SDR42E2: variants seen among roughly 807,000 people sequenced by gnomAD.
SDR42E2 encodes the protein putative short-chain dehydrogenase/reductase family 42E member 2.
Under a neutral mutation model 10.5 loss-of-function variants are expected in SDR42E2, and 20 were observed. The observed-to-expected ratio is 1.90, with a 90% CI of 1.34 to 2.77. The LOEUF (loss-of-function observed/expected upper bound fraction) is 2.77, where lower values mean the gene tolerates loss of function less well. Ranked by LOEUF, SDR42E2 falls within the 30% of genes most tolerant of loss-of-function variation. SDR42E2 has a pLI of 0.00. For synonymous variants in SDR42E2, 72 were observed against 39.2 expected, an observed-to-expected ratio of 1.84 and a Z score of -3.12; for missense variants, 162 against 104.2, an observed-to-expected ratio of 1.55 and a Z score of -2.42.
chr16:22,163,431 C>T (rs2046511874), intron 1 of SDR42E2, among the ~76,000 whole-genome samples: 1 of 152,176 alleles, frequency 6.6e-6, no homozygotes, highest in Admixed American at 6.5e-5. Flanking sequence ...GTGGGCTGGG[C>T]GCAGTGGCTC....
At position 22,166,289 on chromosome 16, in the gene SDR42E2, C is replaced by T; in HGVS notation, c.95C>T (p.Ala32Val). Residue 32 changes from alanine (A) to valine (V), a missense_variant, in exon 3 of 13, where the codon GCC becomes GTC. Ala to Val is a moderately conservative substitution (Grantham distance 64). Coordinates refer to ENST00000602312, the MANE Select transcript of SDR42E2 (RefSeq NM_001394319.2). ...ACTCAAGCCAAACCTACAAAGGCTG[C>T]CAGGCAGAAGGTTCTAGTGACTGGA... Reference protein sequence around the residue: ...QKTQAKPTKAARQKVLVTGGG... With the variant: ...QKTQAKPTKAVRQKVLVTGGG... 2 of 402,270 alleles carry T rather than the reference C, an allele frequency of 5.0e-6. No homozygotes were observed. Among genetic ancestry groups the T allele is most frequent in the East Asian group, 7.1e-5 (2 of 28,076 alleles). 24.9% of individuals were successfully genotyped at this position (402,270 alleles called of 1,614,324 possible). A position where few individuals can be genotyped will look rare whatever the true frequency, so the allele number is the denominator to read the frequency against.
Position 22,170,896 on chromosome 16 carries a change from G to A in SDR42E2, c.458G>A (p.Gly153Glu), listed in dbSNP as rs2046593987. ...YTSTVNVAFG[G>E]KPIEQGDEDS... The stretch of plus-strand genomic sequence containing the variant: ...AGCACTGTCAATGTTGCATTTGGAG[G>A]GAAGCCCATAGAGCAGGGCGATGAG... Residue 153 changes from glycine to glutamate, a missense_variant, in exon 6 of 13, where the codon GGG (glycine) becomes GAG (glutamate). Coordinates refer to ENST00000602312, the MANE Select transcript of SDR42E2 (RefSeq NM_001394319.2). The A allele has an allele frequency of 1.4e-6, 1 of 703,022 alleles. No individual in the cohort carries two copies. Among genetic ancestry groups the A allele is most frequent in the Non-Finnish European group, 2.6e-6 (1 of 385,008 alleles). 43.5% of individuals were successfully genotyped at this position (703,022 alleles called of 1,614,324 possible).
At chr16:22,186,220 T>C (rs1270779753) in intron 11 of SDR42E2, among the ~76,000 whole-genome samples, 3 of 152,076 alleles carry the variant, frequency 2.0e-5, no homozygotes, top group African/African-American at 7.2e-5. Flanking sequence ...ATTTTTTTTT[T>C]TTTTCTGACG....
rs2046775554 is a variant in SDR42E2 at position 22,191,646 on chromosome 16, A to T, written c.*1253A>T. ...TCCTGTCTGAGGATGACAGCATAGT[A>T]AGCACAGGTTTTAGTACCAGAAAGA... On this transcript the variant is annotated 3_prime_UTR_variant, in exon 13 of 13. Transcript: ENST00000602312. 6.6e-6 allele frequency: 1 copy of T among 152,096 alleles called. No homozygotes were observed. Among genetic ancestry groups the T allele is most frequent in the Admixed American group, 6.5e-5 (1 of 15,268 alleles). The allele number at this position is 152,096 out of a possible 1,614,324, so 9.4% of individuals were successfully genotyped here. A position where few individuals can be genotyped will look rare whatever the true frequency, so the allele number is the denominator to read the frequency against.
At chr16:22,190,037 G>C in intron 12 of SDR42E2, 102 bp from the exon 13 acceptor site, 1 of 399,954 alleles carries the variant, frequency 2.5e-6, no homozygotes, top group East Asian at 3.6e-5. Flanking sequence ...ATGTAATGGA[G>C]GGGAAATCCC....
rs530075017 is a variant in SDR42E2 at position 22,190,911 on chromosome 16, A to G, written c.*518A>G. ...GGGCACGCCTCTTCCCCGCCCCCTG[A>G]CTTCAGAGCCTAGTCCTGAGCCGCT... On this transcript the variant is annotated 3_prime_UTR_variant, in exon 13 of 13. Coordinates refer to ENST00000602312, the MANE Select transcript of SDR42E2 (RefSeq NM_001394319.2). 484 of 125,856 alleles carry G rather than the reference A, an allele frequency of 3.8e-3. 1 individual carries two copies. The highest frequency in any genetic ancestry group is 6.1e-3 in the Non-Finnish European group (381 of 62,308). 7.8% of individuals were successfully genotyped at this position (125,856 alleles called of 1,614,324 possible).
rs374896871 is a variant in SDR42E2 at position 22,182,625 on chromosome 16, G to C, written c.876+348G>C. ...GACCTCCCAGAGTGCTGGGATTACA[G>C]GCATGAGCCACTGTGCTCGGCCTGC... is the stretch of plus-strand genomic sequence containing the variant. On this transcript the variant is annotated intron_variant, in intron 10 of 12. Coordinates refer to ENST00000602312, the MANE Select transcript of SDR42E2 (RefSeq NM_001394319.2). Among the ~76,000 whole-genome samples, 28 of 152,322 alleles carry C rather than the reference G, an allele frequency of 1.8e-4. No individual in the cohort carries two copies. In the East Asian group the frequency reaches 3.5e-3, roughly 19 times the overall value.
intron 1 of SDR42E2, among the ~76,000 whole-genome samples, chr16:22,163,831 G>C (rs2046514524): frequency 6.6e-6 from 1 of 152,176 alleles, no homozygotes; most frequent in Non-Finnish European, 1.5e-5. Context: ...CTAGCTGCCA[G>C]AGTCCCTGCC....
At chr16:22,164,974 TACAC>T (rs2046523104) in intron 1 of SDR42E2, among the ~76,000 whole-genome samples, 1 of 152,200 alleles carries the variant, frequency 6.6e-6, no homozygotes, top group Non-Finnish European at 1.5e-5. Context: ...CAACCTCAGT[TACAC>T]AGCGTGACTT....
At chr16:22,177,627 C>CA (rs199973794) in intron 7 of SDR42E2, among the ~76,000 whole-genome samples, 94 of 139,518 alleles carry the variant, frequency 6.7e-4, no homozygotes, top group South Asian at 2.0e-3. Context: ...GATTCCATCT[C>CA]AAAAAAAAAG....
At chr16:22,165,213 G>C (rs1378179303) in intron 1 of SDR42E2, among the ~76,000 whole-genome samples, 1 of 152,122 alleles carries the variant, frequency 6.6e-6, no homozygotes, top group African/African-American at 2.4e-5. Flanking sequence ...TCAGTCTCCT[G>C]AGTAGCTGGG....
intron 12 of SDR42E2, among the ~76,000 whole-genome samples, chr16:22,188,010 C>T (rs1014764929): frequency 2.0e-5 from 3 of 151,540 alleles, no homozygotes; most frequent in African/African-American, 4.9e-5. Context: ...GCAGAAGAGT[C>T]GCTTGAACCT....
chr16:22,176,570 T>C (rs2046646400), intron 7 of SDR42E2, among the ~76,000 whole-genome samples: 1 of 151,990 alleles, frequency 6.6e-6, no homozygotes, highest in South Asian at 2.1e-4. Context: ...ATAAACTGAA[T>C]ACTTTGTAGG....
At chr16:22,181,409 G>C (rs2046692225) in intron 8 of SDR42E2, 110 bp from the exon 9 acceptor site, 1 of 672,862 alleles carries the variant, frequency 1.5e-6, no homozygotes, top group Non-Finnish European at 2.7e-6. Context: ...CATGAGCCTG[G>C]AGCAGAGGGG....
At chr16:22,188,794 C>A (rs543671027) in intron 12 of SDR42E2, among the ~76,000 whole-genome samples, 1 of 152,174 alleles carries the variant, frequency 6.6e-6, no homozygotes, top group South Asian at 2.1e-4. Flanking sequence ...GACACATCAA[C>A]CAGCCCTCCA....
At chr16:22,164,689 A>T (rs1224963465) in intron 1 of SDR42E2, among the ~76,000 whole-genome samples, 1 of 152,230 alleles carries the variant, frequency 6.6e-6, no homozygotes, top group Non-Finnish European at 1.5e-5. Flanking sequence ...TTGGAGGACC[A>T]GAGGCGTCAG....
intron 11 of SDR42E2, among the ~76,000 whole-genome samples, chr16:22,185,442 T>C (rs576199875): frequency 2.6e-5 from 4 of 152,128 alleles, no homozygotes; most frequent in South Asian, 2.1e-4. Flanking sequence ...TGGAGAGGAT[T>C]GTAAAGGCGT....
chr16:22,173,905 G>GTATATATATATATATATATATA (rs770541596), intron 7 of SDR42E2, among the ~76,000 whole-genome samples: 23 of 114,992 alleles, frequency 2.0e-4, no homozygotes, highest in East Asian at 2.0e-3. Context: ...ATGTGTGTGT[G>GTATATATATATATATATATATA]TATATATATA....
chr16:22,165,298 T>C (rs890472196), intron 1 of SDR42E2, among the ~76,000 whole-genome samples: 1 of 152,064 alleles, frequency 6.6e-6, no homozygotes, highest in Non-Finnish European at 1.5e-5. Context: ...ATGTTGGCCA[T>C]GCTGATCTCC....
Sources: allele counts gnomAD v4.1 joint callset (sites outside exome capture counted in the v4.1 genomes callset), GRCh38; gene constraint gnomAD v4.1.1; transcripts MANE v1.5; gene names NCBI Gene and HGNC (gene_info 2026-07-23, HGNC 2026-07-21).